The following SERINC3 variants were observed in gnomAD, a reference collection of about 807,000 sequenced individuals.
SERINC3 encodes the protein tumor differentially expressed protein 1.
Under a neutral mutation model 52.1 loss-of-function variants are expected in SERINC3, and 22 were observed. That is an observed-to-expected ratio of 0.42 (90% CI 0.30 to 0.60). The LOEUF is 0.60. Among genes scored for constraint, SERINC3 ranks in the 20% least tolerant of loss-of-function variants. The probability of loss-of-function intolerance (pLI) is 0.16; values close to 1 mark genes in which losing one functional copy is unlikely to be tolerated. For synonymous variants in SERINC3, 226 were observed against 212.7 expected, an observed-to-expected ratio of 1.06 and a Z score of -0.54; for missense variants, 564 against 584.6, an observed-to-expected ratio of 0.96 and a Z score of 0.36.
chr20:44,514,783 A>T (rs2064369705), intron 1 of SERINC3, among the ~76,000 whole-genome samples: 1 of 151,984 alleles, frequency 6.6e-6, no homozygotes, highest in Non-Finnish European at 1.5e-5. Context: ...TAAAATAAAA[A>T]AATAAAGCAA....
intron 7 of SERINC3, 150 bp from the exon 8 acceptor site, chr20:44,504,145 C>T (rs2064297180): frequency 9.6e-6 from 5 of 523,352 alleles, no homozygotes; most frequent in South Asian, 3.3e-5. Flanking sequence ...TCAGTAGTAA[C>T]ACGTTTGGTC....
At chr20:44,519,501 G>T in intron 1 of SERINC3, 2 of 325,452 alleles carry the variant, frequency 6.1e-6, no homozygotes, top group Non-Finnish European at 8.8e-6. Context: ...TCAGATCACA[G>T]ATCAACTATG....
chr20:44,498,716 A>G lies in SERINC3; in HGVS notation c.*1580T>C, dbSNP rs1323211200. ...CACCTGGTCTCATCTCTCTAAATCC[A>G]TTCTCTATATATCAGCCCAAGTGAC... On this transcript the variant is annotated 3_prime_UTR_variant, in exon 10 of 10. Transcript: ENST00000342374. 2 of 152,076 alleles carry G rather than the reference A, an allele frequency of 1.3e-5. No individual in the cohort carries two copies. Among genetic ancestry groups the G allele is most frequent in the Non-Finnish European group, 2.9e-5 (2 of 68,018 alleles). The allele number at this position is 152,076 out of a possible 1,614,324, so 9.4% of individuals were successfully genotyped here.
intron 1 of SERINC3, among the ~76,000 whole-genome samples, chr20:44,514,692 C>T (rs778082747): frequency 7.9e-5 from 12 of 152,034 alleles, no homozygotes; most frequent in Non-Finnish European, 1.3e-4. Context: ...ACCCAGGAGG[C>T]GGAGCTCACA....
intron 1 of SERINC3, among the ~76,000 whole-genome samples, chr20:44,519,072 A>T (rs1426049386): frequency 2.0e-5 from 3 of 152,122 alleles, no homozygotes. Flanking sequence ...AACTCTAAAT[A>T]ATCTGTTTTG....
At chr20:44,514,532 G>T (rs1270636907) in intron 1 of SERINC3, among the ~76,000 whole-genome samples, 1 of 152,158 alleles carries the variant, frequency 6.6e-6, no homozygotes, top group Non-Finnish European at 1.5e-5. Context: ...GGCCGAGGCG[G>T]GTGGATCACA....
chr20:44,503,946 T>G lies in SERINC3; in HGVS notation c.924A>C (p.Ala308=). The change falls in exon 8 of 10, where the codon GCA becomes GCC. Residue 308 remains alanine (A), a synonymous_variant. Transcript: ENST00000342374. The part of the protein sequence containing the change: ...NLMSFITRIT[A]PTLAPGNSTA... Reference sequence around the variant, plus strand: ...TTGAATTTCCAGGAGCCAGGGTTGGTGCAGTTATGCGTGTAATAAAGCTCA... The same window carrying G: ...TTGAATTTCCAGGAGCCAGGGTTGGGGCAGTTATGCGTGTAATAAAGCTCA... The G allele has an allele frequency of 6.2e-7, 1 of 1,605,052 alleles. No individual in the cohort carries two copies. Among genetic ancestry groups the G allele is most frequent in the Non-Finnish European group, 8.5e-7 (1 of 1,177,394 alleles).
chr20:44,512,602 A>G (rs1188097130), intron 3 of SERINC3, among the ~76,000 whole-genome samples, 199 bp downstream of exon 3: 1 of 152,204 alleles, frequency 6.6e-6, no homozygotes. Flanking sequence ...TAAAAAGACA[A>G]GACCCCCTAT....
At chr20:44,517,080 G>A (rs1238827959) in intron 1 of SERINC3, among the ~76,000 whole-genome samples, 1 of 152,102 alleles carries the variant, frequency 6.6e-6, no homozygotes, top group Non-Finnish European at 1.5e-5. Flanking sequence ...GCAGCAGGGT[G>A]CTAACATTCT....
In SERINC3 at chr20:44,521,923, A is replaced by G; in HGVS notation, c.29T>C (p.Leu10Pro). 5 of 1,611,334 alleles carry G rather than the reference A, an allele frequency of 3.1e-6. No individual in the cohort carries two copies. Among genetic ancestry groups the G allele is most frequent in the Non-Finnish European group, 4.2e-6 (5 of 1,178,858 alleles). Reference protein sequence around the residue: MGAVLGVFSLASWVPCLCSG... With the variant: MGAVLGVFSPASWVPCLCSG... ...GGACCCCGAACTCACCCAGCTGGCGAGGGAGAAGACACCCAGCACAGCCCC... is the reference window on the plus strand; with the variant it reads ...GGACCCCGAACTCACCCAGCTGGCGGGGGAGAAGACACCCAGCACAGCCCC... The change falls in exon 1 of 10, where the codon CTC becomes CCC. Residue 10 changes from leucine (L) to proline (P), a missense_variant. Transcript: ENST00000342374.
rs767336247 is a variant in SERINC3, at chr20:44,510,013, C to G, written c.491G>C (p.Gly164Ala). Residue 164 changes from glycine (G) to alanine (A), a missense_variant, in exon 5 of 10, where the codon GGC becomes GCC. Transcript: ENST00000342374. ...GYFSSVWFVV[G>A]MIGAALFILI... is the part of the protein sequence containing the mutation. ...GATGAAGAGGGCGGCCCCTATCATG[C>G]CAACAACAAACCAGACTACAAGAAC... The G allele has an allele frequency of 6.2e-7, 1 of 1,614,074 alleles. No homozygotes were observed. Among genetic ancestry groups the G allele is most frequent in the Non-Finnish European group, 8.5e-7 (1 of 1,179,956 alleles).
chr20:44,507,457 C>T (rs907760653), intron 5 of SERINC3, among the ~76,000 whole-genome samples: 3 of 152,212 alleles, frequency 2.0e-5, no homozygotes, highest in South Asian at 2.1e-4. Flanking sequence ...CAGCCATTGG[C>T]TATCTAAATC....
At chr20:44,518,198 C>T (rs1009165642) in intron 1 of SERINC3, among the ~76,000 whole-genome samples, 4 of 151,920 alleles carry the variant, frequency 2.6e-5, no homozygotes, top group Non-Finnish European at 5.9e-5. Context: ...CAGTGGCTCA[C>T]GCCTGTAATC....
Position 44,514,046 on chromosome 20 carries a change from A to G in SERINC3, c.40-6T>C. The G allele has an allele frequency of 1.2e-6, 2 of 1,613,684 alleles. No homozygotes were observed. Among genetic ancestry groups the G allele is most frequent in the Non-Finnish European group, 1.7e-6 (2 of 1,179,754 alleles). ...CCGCTGCAGAGGCATGGAACCTGGA[A>G]TGAGCACACCATGGTCACCTGAGAC... On this transcript the variant is annotated splice_polypyrimidine_tract_variant and splice_region_variant and intron_variant, in intron 1 of 9. Transcript: ENST00000342374.
At chr20:44,504,119 A>G (rs1270446839) in intron 7 of SERINC3, 124 bp from the exon 8 acceptor site, 2 of 725,204 alleles carry the variant, frequency 2.8e-6, no homozygotes, top group South Asian at 2.3e-5. Flanking sequence ...TACTTAAAAA[A>G]TCTGAAACTT....
intron 1 of SERINC3, among the ~76,000 whole-genome samples, chr20:44,515,626 G>T (rs1600818375): frequency 6.6e-6 from 1 of 151,964 alleles, no homozygotes; most frequent in East Asian, 1.9e-4. Context: ...AAAACATTGT[G>T]AATGTACTAA....
At position 44,509,963 on chromosome 20, in the gene SERINC3, C is replaced by G. The variant is rs772678724; in HGVS notation, c.541G>C (p.Asp181His). The change falls in exon 5 of 10, where the codon GAT (aspartate) becomes CAT (histidine). Residue 181 changes from aspartate (D) to histidine (H), a missense_variant. By Grantham distance (81) the Asp-to-His change is moderately conservative. Coordinates refer to ENST00000342374, the MANE Select transcript of SERINC3 (RefSeq NM_006811.4). ...GATTCATTCCAAGAATGAGCAAAAT[C>G]TACCAGCAGCACCAGCTGAATGAGG... ...FILIQLVLLV[D>H]FAHSWNESWV... 6.2e-7 allele frequency: 1 copy of G among 1,614,160 alleles called. No homozygotes were observed. Among genetic ancestry groups the G allele is most frequent in the Non-Finnish European group, 8.5e-7 (1 of 1,179,984 alleles).
At chr20:44,521,185 G>C (rs2064414311) in intron 1 of SERINC3, among the ~76,000 whole-genome samples, 1 of 152,212 alleles carries the variant, frequency 6.6e-6, no homozygotes, top group South Asian at 2.1e-4. Context: ...TGGAGAATGA[G>C]GAATCAAGGA....
At chr20:44,504,923 G>C in intron 6 of SERINC3, 32 bp from the exon 7 acceptor site, 1 of 1,568,090 alleles carries the variant, frequency 6.4e-7, no homozygotes, top group Middle Eastern at 1.7e-4. Context: ...AGTGGCACAG[G>C]GACTGCCAAG....
Sources: gnomAD v4.1 joint callset for allele counts (sites outside exome capture counted in the v4.1 genomes callset) on GRCh38, gnomAD v4.1.1 for gene constraint, MANE v1.5 for transcripts, NCBI Gene and HGNC (gene_info 2026-07-23, HGNC 2026-07-21) for gene names.